KMT2C: variants seen among roughly 807,000 people sequenced by gnomAD.
The protein encoded by KMT2C is histone-lysine N-methyltransferase 2C.
In KMT2C, 88 loss-of-function variants were observed where a neutral mutation model predicts 507.9. The observed-to-expected ratio is 0.17, with a 90% CI of 0.15 to 0.21. KMT2C has a LOEUF of 0.21. KMT2C is among the 10% of genes least tolerant of loss of function. The pLI is 1.00. For synonymous variants in KMT2C, 2,049 were observed against 2,080.8 expected, an observed-to-expected ratio of 0.98 and a Z score of 0.42; for missense variants, 4,954 against 5,957.8, an observed-to-expected ratio of 0.83 and a Z score of 5.55.
rs2129097505 is a variant in KMT2C, at chr7:152,152,763, T to G, written c.12468A>C (p.Arg4156Ser). ...GCTTCAGCCGGTAAGAGCTCACTAA[T>G]CTGGGAGGGTTTGCAGATCCTGGCG... ...GPPPGSANPPRLVSSYRLKQP... is the reference protein window; with the variant it reads ...GPPPGSANPPSLVSSYRLKQP... The change falls in exon 49 of 59, where the codon AGA becomes AGC. Residue 4156 changes from arginine to serine, a missense_variant. Around this residue, in one of 29 missense-constraint regions of KMT2C, gnomAD observed 417 missense variants for 461.1 expected, o/e 0.90. Coordinates refer to ENST00000262189, the MANE Select transcript of KMT2C (RefSeq NM_170606.3). The G allele has an allele frequency of 6.2e-7, 1 of 1,614,150 alleles. No individual in the cohort carries two copies. Among genetic ancestry groups the G allele is most frequent in the Non-Finnish European group, 8.5e-7 (1 of 1,180,008 alleles).
intron 23 of KMT2C, among the ~76,000 whole-genome samples, chr7:152,214,938 GA>G (rs2094536554): frequency 6.6e-6 from 1 of 152,116 alleles, no homozygotes; most frequent in Non-Finnish European, 1.5e-5. Context: ...AAAATTTGCT[GA>G]AAGAGATTTT....
Position 152,252,584 on chromosome 7 carries a change from T to A in KMT2C, c.1431A>T (p.Glu477Asp). 6.2e-7 allele frequency: 1 copy of A among 1,613,662 alleles called. No homozygotes were observed. Among genetic ancestry groups the A allele is most frequent in the Non-Finnish European group, 8.5e-7 (1 of 1,179,720 alleles). The change falls in exon 10 of 59, where the codon GAA becomes GAT. Residue 477 changes from glutamate to aspartate, a missense_variant. This residue lies in a region of KMT2C where 376 missense variants were observed against 352.4 expected (regional missense o/e 1.07). Coordinates refer to ENST00000262189, the MANE Select transcript of KMT2C (RefSeq NM_170606.3). ...CPFCGKCYHP[E>D]LQKDMLHCNM... The stretch of plus-strand genomic sequence containing the variant: ...TACAATGAAGCATGTCTTTCTGCAA[T>A]TCTGGATGATAACACTTCCCACAGA...
chr7:152,241,668 C>T (rs1268504638), intron 14 of KMT2C, among the ~76,000 whole-genome samples: 1 of 152,148 alleles, frequency 6.6e-6, no homozygotes, highest in Non-Finnish European at 1.5e-5. Context: ...GCAGTGGGGG[C>T]AAAAGATACC....
At position 152,176,862 on chromosome 7, in the gene KMT2C, T is replaced by C. The variant is rs1175330866; in HGVS notation, c.8591A>G (p.Asp2864Gly). 1.2e-6 allele frequency: 2 copies of C among 1,614,188 alleles called. No homozygotes were observed. The highest frequency in any genetic ancestry group is 1.7e-6 in the Non-Finnish European group (2 of 1,180,016). ...SQASAHSDLN[D>G]GEKTSLHPCD... ...AGGATGCAAAGAAGTCTTTTCTCCA[T>C]CATTTAGGTCTGAGTGAGCAGAAGC... The change falls in exon 38 of 59, where the codon GAT becomes GGT. Residue 2864 changes from aspartate to glycine, a missense_variant. Physicochemically the swap from Asp to Gly is moderately conservative, Grantham distance 94. This residue lies in a region of KMT2C where 1,689 missense variants were observed against 1,654.3 expected (regional missense o/e 1.02). Transcript: ENST00000262189.
chr7:152,169,643 C>T (rs1190331101), intron 40 of KMT2C, among the ~76,000 whole-genome samples: 1 of 152,088 alleles, frequency 6.6e-6, no homozygotes, highest in Non-Finnish European at 1.5e-5. Context: ...TGACTAAATG[C>T]CACTCCACAG....
intron 31 of KMT2C, among the ~76,000 whole-genome samples, chr7:152,191,097 C>G (rs191472254): frequency 6.6e-6 from 1 of 152,142 alleles, no homozygotes. Flanking sequence ...AAGCATTCCT[C>G]GAGATTCTAT....
chr7:152,316,124 A>G (rs555278549), intron 3 of KMT2C, among the ~76,000 whole-genome samples: 2 of 152,276 alleles, frequency 1.3e-5, no homozygotes, highest in South Asian at 2.1e-4. Context: ...GTTGAGTGGT[A>G]GTAGATTTTT....
At chr7:152,384,566 C>G (rs922836907) in intron 1 of KMT2C, among the ~76,000 whole-genome samples, 1 of 50,810 alleles carries the variant, frequency 2.0e-5, no homozygotes, top group Admixed American at 1.7e-4. Flanking sequence ...ACCACCACCA[C>G]CACCACCACC....
At chr7:152,286,775 T>C (rs2096305302) in intron 6 of KMT2C, among the ~76,000 whole-genome samples, 1 of 152,200 alleles carries the variant, frequency 6.6e-6, no homozygotes, top group Non-Finnish European at 1.5e-5. Context: ...ATGAATTCCC[T>C]AGGTTTCCTT....
chr7:152,157,954 T>C (rs756690244), intron 44 of KMT2C: 1 of 1,292,272 alleles, frequency 7.7e-7, no homozygotes, highest in Non-Finnish European at 1.0e-6. Flanking sequence ...AAGAGTAATG[T>C]ACATGATAAA....
chr7:152,385,820 G>A (rs937272840), intron 1 of KMT2C, among the ~76,000 whole-genome samples: 1 of 151,734 alleles, frequency 6.6e-6, no homozygotes, highest in African/African-American at 2.4e-5. Context: ...AGGTGCAGTG[G>A]CTCATGCCTG....
At chr7:152,215,734 A>G (rs1447602595) in intron 23 of KMT2C, among the ~76,000 whole-genome samples, 1 of 150,286 alleles carries the variant, frequency 6.7e-6, no homozygotes, top group East Asian at 2.0e-4. Flanking sequence ...ACACACACAC[A>G]CACACACACA....
intron 23 of KMT2C, among the ~76,000 whole-genome samples, chr7:152,212,248 CTT>C (rs2094472015): frequency 6.6e-6 from 1 of 152,154 alleles, no homozygotes; most frequent in Admixed American, 6.5e-5. Context: ...GGTAGGCTAA[CTT>C]AACACTGTTC....
At chr7:152,204,980 G>C (rs2094260095) in intron 25 of KMT2C, 126 bp downstream of exon 25, 1 of 588,170 alleles carries the variant, frequency 1.7e-6, no homozygotes, top group Non-Finnish European at 3.0e-6. Flanking sequence ...CTCTTATTGA[G>C]TAACAATAAG....
chr7:152,428,035 T>A lies in KMT2C; in HGVS notation c.161+7591A>T, dbSNP rs866295998. Reference sequence around the variant, plus strand: ...CCATATTATTACCACAGTGTTTTTTTAATAATAGGCATCATTAAATCACCA... The same window carrying A: ...CCATATTATTACCACAGTGTTTTTTAAATAATAGGCATCATTAAATCACCA... On this transcript the variant is annotated intron_variant, in intron 1 of 58. Coordinates refer to ENST00000262189, the MANE Select transcript of KMT2C (RefSeq NM_170606.3). Among the ~76,000 whole-genome samples, 3 of 152,216 alleles carry A rather than the reference T, an allele frequency of 2.0e-5. No individual in the cohort carries two copies. In the South Asian group the frequency reaches 6.2e-4, roughly 31 times the overall value.
chr7:152,287,484 C>T (rs1230954508), intron 6 of KMT2C, among the ~76,000 whole-genome samples: 1 of 152,154 alleles, frequency 6.6e-6, no homozygotes, highest in Non-Finnish European at 1.5e-5. Context: ...CTGTGCCCCA[C>T]CTCCACCCCA....
intron 18 of KMT2C, among the ~76,000 whole-genome samples, chr7:152,227,697 A>G (rs1322994221): frequency 1.3e-5 from 2 of 152,240 alleles, no homozygotes; most frequent in Non-Finnish European, 1.5e-5. Flanking sequence ...TGAAGAAGCA[A>G]TAACGACTAA....
chr7:152,222,823 A>G, intron 20 of KMT2C, 141 bp from the exon 21 acceptor site: 1 of 601,262 alleles, frequency 1.7e-6, no homozygotes. Flanking sequence ...CTTTTCTCCT[A>G]ACTATCTCTA....
chr7:152,216,951 C>G (rs1264115860), intron 23 of KMT2C, among the ~76,000 whole-genome samples: 3 of 152,180 alleles, frequency 2.0e-5, no homozygotes, highest in African/African-American at 7.2e-5. Context: ...CATCCTTGCA[C>G]CTCATCAGCA....
Sources: gnomAD v4.1 joint callset for allele counts (sites outside exome capture counted in the v4.1 genomes callset) on GRCh38, gnomAD v4.1.1 for gene constraint, gnomAD v4.1.1 regional missense constraint, MANE v1.5 for transcripts, NCBI Gene and HGNC (gene_info 2026-07-23, HGNC 2026-07-21) for gene names.